IQCE: variants seen among roughly 807,000 people sequenced by gnomAD.
IQCE encodes IQ motif containing E.
In IQCE, 115 loss-of-function variants were observed where a neutral mutation model predicts 96.0. The ratio of observed to expected loss-of-function variants is 1.20; its 90% CI spans 1.03 to 1.40. IQCE has a LOEUF of 1.40. Ranked by LOEUF, IQCE falls within the 40% of genes most tolerant of loss-of-function variation. The pLI is 0.00. For missense variants in IQCE, 1,041 were observed against 909.1 expected (o/e 1.15, Z -1.87); for synonymous variants, 412 against 371.2 (o/e 1.11, Z -1.26).
Position 2,586,365 on chromosome 7 carries a change from A to T in IQCE, c.982A>T (p.Thr328Ser). The change falls in exon 12 of 22, where the codon ACA (threonine) becomes TCA (serine). Residue 328 changes from threonine to serine, a missense_variant. Coordinates refer to ENST00000402050, the MANE Select transcript of IQCE (RefSeq NM_152558.5). ...VLSTSPTISKTQGYVEWSKPR... is the reference protein window; with the variant it reads ...VLSTSPTISKSQGYVEWSKPR... ...GAGCACCTCCCCAACCATCTCCAAG[A>T]CACAGGGTACCTTCCTGAAAGCCAC... 1.2e-6 allele frequency: 2 copies of T among 1,611,330 alleles called. No homozygotes were observed. Among genetic ancestry groups the T allele is most frequent in the Non-Finnish European group, 1.7e-6 (2 of 1,179,286 alleles).
At chr7:2,567,045 CT>C in intron 1 of IQCE, 70 bp from the exon 2 acceptor site, 1 of 1,394,332 alleles carries the variant, frequency 7.2e-7, no homozygotes, top group East Asian at 2.3e-5. Flanking sequence ...GCTGTTTTCG[CT>C]TTTGTAAACG....
intron 13 of IQCE, 58 bp downstream of exon 13, chr7:2,587,935 A>G (rs1783252349): frequency 4.7e-6 from 7 of 1,493,052 alleles, no homozygotes; most frequent in Admixed American, 3.5e-5. Flanking sequence ...TGCTGTGGGG[A>G]CGGGCTCACA....
At chr7:2,572,112 C>T in intron 4 of IQCE, 80 bp from the exon 5 acceptor site, 1 of 1,461,898 alleles carries the variant, frequency 6.8e-7, no homozygotes, top group Non-Finnish European at 9.3e-7. Context: ...TTCTTCAATC[C>T]AGGAAAGTTG....
rs1782387641 is a variant in IQCE, at chr7:2,578,476, G to T, written c.580G>T (p.Gly194Cys). Residue 194 changes from glycine to cysteine, a missense_variant and splice_region_variant, in exon 8 of 22, where the codon GGC (glycine) becomes TGC (cysteine). Coordinates refer to ENST00000402050, the MANE Select transcript of IQCE (RefSeq NM_152558.5). The stretch of plus-strand genomic sequence containing the variant: ...TCATGTCTCAATCTGCTTACCACAG[G>T]GCACGGATTTTGTTCGGACTCTGGC... ...QIEQLLDPSR[G>C]TDFVRTLAEK... The T allele has an allele frequency of 6.2e-7, 1 of 1,614,178 alleles. No individual in the cohort carries two copies. The highest frequency in any genetic ancestry group is 8.5e-7 in the Non-Finnish European group (1 of 1,180,020).
intron 9 of IQCE, among the ~76,000 whole-genome samples, chr7:2,583,076 C>T (rs1048979129): frequency 1.3e-5 from 2 of 152,164 alleles, no homozygotes; most frequent in African/African-American, 4.8e-5. Flanking sequence ...GTCTCCTGTT[C>T]GTACAATAGT....
chr7:2,592,843 A>G (rs2917730), intron 14 of IQCE, among the ~76,000 whole-genome samples, 179 bp from the exon 15 acceptor site: 119,114 of 152,224 alleles, frequency 0.78, 47,199 homozygotes, highest in African/African-American at 0.89. Flanking sequence ...GGGCAGGCAG[A>G]GCCCTGAGGT....
intron 18 of IQCE, among the ~76,000 whole-genome samples, chr7:2,603,964 T>C (rs958237039): frequency 1.4e-5 from 2 of 147,644 alleles, no homozygotes; most frequent in African/African-American, 5.0e-5. Context: ...AAATGGAGTG[T>C]GAACTTCTTA....
At chr7:2,597,825 C>T (rs1204557687) in intron 16 of IQCE, among the ~76,000 whole-genome samples, 1 of 152,108 alleles carries the variant, frequency 6.6e-6, no homozygotes, top group Non-Finnish European at 1.5e-5. Context: ...TGCCACCACA[C>T]CCGGGTATTT....
At position 2,569,011 on chromosome 7, in the gene IQCE, GA is replaced by G; in HGVS notation, c.130+13del. The G allele has an allele frequency of 1.2e-6, 2 of 1,613,138 alleles. No individual in the cohort carries two copies. The highest frequency in any genetic ancestry group is 1.7e-6 in the Non-Finnish European group (2 of 1,179,224). ...ACCCACATCGCCAAGTAAGTATGAC[GA>G]GGCCTGCCTTCCCTCTCACGCCGAC... On this transcript the variant is annotated intron_variant, in intron 3 of 21. Transcript: ENST00000402050.
Position 2,573,412 on chromosome 7 carries a change from C to T in IQCE, c.395-6C>T. 7.3e-7 allele frequency: 1 copy of T among 1,372,962 alleles called. No homozygotes were observed. The highest frequency in any genetic ancestry group is 1.0e-6 in the Non-Finnish European group (1 of 962,780). 85.0% of individuals were successfully genotyped at this position (1,372,962 alleles called of 1,614,324 possible). ...TCTTTGAAACGATTTGTTTATGTTT[C>T]TCTAGGTCATGTCCCTGGGACTCCT... On this transcript the variant is annotated splice_region_variant and splice_polypyrimidine_tract_variant and intron_variant, in intron 5 of 21. Coordinates refer to ENST00000402050, the MANE Select transcript of IQCE (RefSeq NM_152558.5).
chr7:2,603,233 C>A (rs1329846553), intron 18 of IQCE, among the ~76,000 whole-genome samples: 1 of 152,194 alleles, frequency 6.6e-6, no homozygotes, highest in Non-Finnish European at 1.5e-5. Context: ...GGCTCCCGGT[C>A]CCCACAGCCC....
At chr7:2,595,599 C>T (rs1489644266) in intron 16 of IQCE, among the ~76,000 whole-genome samples, 2 of 152,230 alleles carry the variant, frequency 1.3e-5, no homozygotes, top group Non-Finnish European at 2.9e-5. Context: ...CTCTGTGGCT[C>T]CGAGGTCCCT....
At chr7:2,602,873 G>C (rs1784529945) in intron 18 of IQCE, among the ~76,000 whole-genome samples, 2 of 152,214 alleles carry the variant, frequency 1.3e-5, no homozygotes, top group Non-Finnish European at 2.9e-5. Context: ...GCTGCAGTGG[G>C]AGCATGTTGC....
At chr7:2,573,785 G>C (rs1052197894) in intron 6 of IQCE, among the ~76,000 whole-genome samples, 1 of 152,220 alleles carries the variant, frequency 6.6e-6, no homozygotes, top group African/African-American at 2.4e-5. Flanking sequence ...CTTGCGTCCT[G>C]AGATTGGGTA....
At chr7:2,561,385 T>C (rs7807161) in intron 1 of IQCE, among the ~76,000 whole-genome samples, 75,293 of 151,942 alleles carry the variant, frequency 0.5, 20,523 homozygotes, top group African/African-American at 0.73. Flanking sequence ...ATTTTCTTAA[T>C]TTCATTTCAG....
At chr7:2,577,157 T>C (rs1314876404) in intron 6 of IQCE, among the ~76,000 whole-genome samples, 2 of 152,198 alleles carry the variant, frequency 1.3e-5, no homozygotes, top group Admixed American at 1.3e-4. Flanking sequence ...CACGCAGCTT[T>C]CCAAATCCCC....
At position 2,572,333 on chromosome 7, in the gene IQCE, A is replaced by G. The variant is rs1254789192; in HGVS notation, c.394+7A>G. On this transcript the variant is annotated splice_region_variant and intron_variant, in intron 5 of 21. Coordinates refer to ENST00000402050, the MANE Select transcript of IQCE (RefSeq NM_152558.5). ...AGGCGCTCTGCCAGCAACGGTGAGC[A>G]TGCCGATGGTGGCGAGGCTGAGGCC... 6 of 1,613,218 alleles carry G rather than the reference A, an allele frequency of 3.7e-6. No homozygotes were observed. The highest frequency in any genetic ancestry group is 4.2e-6 in the Non-Finnish European group (5 of 1,179,592).
rs2969041 is a variant in IQCE, at chr7:2,568,763, C to T, written c.85-191C>T. Among the ~76,000 whole-genome samples the T allele has an allele frequency of 3.1e-4, 47 of 152,314 alleles. No homozygotes were observed. The East Asian group carries it at 8.5e-3, about 28-fold the overall frequency. ...CTGAGAGCCCAGCCCTGAGCACTGA[C>T]GTGAGTGCATTTTTGTGGGGTCTGC... On this transcript the variant is annotated intron_variant, in intron 2 of 21. Transcript: ENST00000402050.
chr7:2,607,572 T>TA, intron 21 of IQCE: 1 of 1,238,282 alleles, frequency 8.1e-7, no homozygotes, highest in Non-Finnish European at 1.0e-6. Context: ...TCTACTTTGT[T>TA]AAAGTCCAAA....
Sources: allele counts gnomAD v4.1 joint callset (sites outside exome capture counted in the v4.1 genomes callset), GRCh38; gene constraint gnomAD v4.1.1; transcripts MANE v1.5; gene names NCBI Gene and HGNC (gene_info 2026-07-23, HGNC 2026-07-21).